ALDH7A1: variants seen among roughly 807,000 people sequenced by gnomAD.
The protein encoded by ALDH7A1 is aldehyde dehydrogenase 7 family member A1.
A neutral mutation model predicts 79.9 loss-of-function variants in ALDH7A1; 63 were observed. The observed-to-expected ratio is 0.79, with a 90% CI of 0.64 to 0.97. The LOEUF is 0.97. ALDH7A1 is among the 50% of genes least tolerant of loss of function. ALDH7A1 has a pLI of 0.00. For synonymous variants in ALDH7A1, 240 were observed against 231.2 expected (o/e 1.04, Z -0.34); for missense variants, 627 against 665.2 (o/e 0.94, Z 0.63).
At chr5:126,549,238 G>A (rs767681454) in intron 16 of ALDH7A1, among the ~76,000 whole-genome samples, 3 of 152,120 alleles carry the variant, frequency 2.0e-5, no homozygotes, top group Admixed American at 6.6e-5. Context: ...AAACAGCAAA[G>A]TCCGTGCATC....
chr5:126,550,247 A>C lies in ALDH7A1; in HGVS notation c.1364T>G (p.Leu455Arg), dbSNP rs1749945843. 1 of 1,613,756 alleles carries C rather than the reference A, an allele frequency of 6.2e-7. No homozygotes were observed. Among genetic ancestry groups the C allele is most frequent in the East Asian group, 2.2e-5 (1 of 44,862 alleles). ...FAWNNEVKQG[L>R]SSSIFTKDLG... ...ATCTTTGGTAAAGATGCTACTTGAA[A>C]GTCCCTGTTTTACTTCATTATTCCA... Residue 455 changes from leucine (L) to arginine (R), a missense_variant, in exon 15 of 18, where the codon CTT becomes CGT. Leu to Arg is a moderately radical substitution (Grantham distance 102). Coordinates refer to ENST00000409134, the MANE Select transcript of ALDH7A1 (RefSeq NM_001182.5).
At chr5:126,549,900 T>A (rs770651013) in intron 16 of ALDH7A1, 29 bp downstream of exon 16, 8 of 1,609,970 alleles carry the variant, frequency 5.0e-6, no homozygotes, top group Non-Finnish European at 6.0e-6. Context: ...CTGCCCAACA[T>A]GGAAAAGGAG....
rs528323982 is a variant in ALDH7A1 at position 126,570,577 on chromosome 5, C to T, written c.773+205G>A. 3.1e-4 allele frequency: 181 copies of T among 585,034 alleles called. 2 individuals carry two copies. In the South Asian group the frequency reaches 3.3e-3, roughly 11 times the overall value. 36.2% of individuals were successfully genotyped at this position (585,034 alleles called of 1,614,324 possible). A position where few individuals can be genotyped will look rare whatever the true frequency, so the allele number is the denominator to read the frequency against. On this transcript the variant is annotated intron_variant, in intron 8 of 17. Coordinates refer to ENST00000409134, the MANE Select transcript of ALDH7A1 (RefSeq NM_001182.5). ...CACCTTAACAAATAGTACCTCTGGG[C>T]AATTAAAAAGACAATTCTTATTCAT... is the stretch of plus-strand genomic sequence containing the variant.
Position 126,544,713 on chromosome 5 carries a change from G to A in ALDH7A1, c.*252C>T. ...TAATCATTAACTTTTAAAAAGCCAT[G>A]TACAACTAGTTGACATAATAAAAAT... On this transcript the variant is annotated 3_prime_UTR_variant, in exon 18 of 18. Coordinates refer to ENST00000409134, the MANE Select transcript of ALDH7A1 (RefSeq NM_001182.5). 3 of 499,476 alleles carry A rather than the reference G, an allele frequency of 6.0e-6. No homozygotes were observed. Among genetic ancestry groups the A allele is most frequent in the Admixed American group, 3.3e-5 (1 of 30,358 alleles). The allele number at this position is 499,476 out of a possible 1,614,324, so 30.9% of individuals were successfully genotyped here. A position where few individuals can be genotyped will look rare whatever the true frequency, so the allele number is the denominator to read the frequency against.
chr5:126,583,871 A>G (rs1751260125), intron 4 of ALDH7A1, 61 bp downstream of exon 4: 1 of 1,381,670 alleles, frequency 7.2e-7, no homozygotes, highest in Admixed American at 1.7e-5. Context: ...TATATATAGA[A>G]AAGCATGACA....
At chr5:126,567,885 A>G (rs1457997949) in intron 9 of ALDH7A1, 12 of 287,658 alleles carry the variant, frequency 4.2e-5, no homozygotes, top group African/African-American at 1.4e-4. Flanking sequence ...CCGGGTTCAG[A>G]CCATTCTCTT....
At chr5:126,570,714 G>C in intron 8 of ALDH7A1, 68 bp downstream of exon 8, 1 of 1,420,734 alleles carries the variant, frequency 7.0e-7, no homozygotes, top group Non-Finnish European at 1.0e-6. Context: ...CATTATTCTA[G>C]TAACGATGAT....
At position 126,592,683 on chromosome 5, in the gene ALDH7A1, G is replaced by T; in HGVS notation, c.293C>A (p.Ala98Glu). The T allele has an allele frequency of 2.5e-6, 4 of 1,614,040 alleles. No individual in the cohort carries two copies. Among genetic ancestry groups the T allele is most frequent in the Non-Finnish European group, 3.4e-6 (4 of 1,180,002 alleles). Residue 98 changes from alanine to glutamate, a missense_variant, in exon 3 of 18, where the codon GCA (alanine) becomes GAA (glutamate). Coordinates refer to ENST00000409134, the MANE Select transcript of ALDH7A1 (RefSeq NM_001182.5). ...YEETVKKARE[A>E]WKIWADIPAP... ...ACTTACATCTGCCCAGATTTTCCAT[G>T]CTTCTCTTGCTTTCTTTACAGTTTC...
chr5:126,582,452 C>T (rs978061295), intron 5 of ALDH7A1, among the ~76,000 whole-genome samples: 7 of 152,220 alleles, frequency 4.6e-5, no homozygotes, highest in African/African-American at 1.2e-4. Context: ...CCTTATGATT[C>T]GACATTTAGG....
At chr5:126,589,797 G>A (rs1160287390) in intron 3 of ALDH7A1, among the ~76,000 whole-genome samples, 8 of 144,264 alleles carry the variant, frequency 5.5e-5, no homozygotes, top group African/African-American at 1.3e-4. Context: ...GCCTCTGCTC[G>A]GCTGCCCACC....
At chr5:126,571,150 ATTTTTTTTTT>A (rs386404930) in intron 7 of ALDH7A1, 343 of 221,852 alleles carry the variant, frequency 1.5e-3, no homozygotes, top group Middle Eastern at 3.8e-3. Flanking sequence ...CTATTAGCAG[ATTTTTTTTTT>A]TTTTTTTTTT....
rs1242730800 is a variant in ALDH7A1 at position 126,577,355 on chromosome 5, C to T, written c.518-144G>A. 13 of 1,027,882 alleles carry T rather than the reference C, an allele frequency of 1.3e-5. No homozygotes were observed. In the East Asian group the frequency reaches 3.1e-4, roughly 25 times the overall value. The allele number at this position is 1,027,882 out of a possible 1,614,324, so 63.7% of individuals were successfully genotyped here. ...GCTACACAGCCATGGGATATCAGTA[C>T]ATTAACTAATGTACAACAAAAGTGG... On this transcript the variant is annotated intron_variant, in intron 5 of 17. Coordinates refer to ENST00000409134, the MANE Select transcript of ALDH7A1 (RefSeq NM_001182.5).
chr5:126,588,755 G>C (rs1751440874), intron 3 of ALDH7A1: 2 of 151,120 alleles, frequency 1.3e-5, no homozygotes, highest in Non-Finnish European at 2.9e-5. Flanking sequence ...CAGGGGAAAT[G>C]GCCTATTACA....
At position 126,568,281 on chromosome 5, in the gene ALDH7A1, G is replaced by A; in HGVS notation, c.849C>T (p.Gly283=). Residue 283 remains glycine (G), a synonymous_variant, in exon 9 of 18, where the codon GGC becomes GGT. Coordinates refer to ENST00000409134, the MANE Select transcript of ALDH7A1 (RefSeq NM_001182.5). ...TGSTQVGKQV[G]LMVQERFGRS... ...TACCAAACCTCTCCTGCACCATCAG[G>A]CCCACCTGTTTTCCCACCTGAGTGC... 6.2e-7 allele frequency: 1 copy of A among 1,614,064 alleles called. No individual in the cohort carries two copies. Among genetic ancestry groups the A allele is most frequent in the South Asian group, 1.1e-5 (1 of 91,076 alleles).
chr5:126,574,023 C>CAAAAAA (rs34601459), intron 7 of ALDH7A1, among the ~76,000 whole-genome samples: 4 of 57,206 alleles, frequency 7.0e-5, no homozygotes, highest in African/African-American at 1.3e-4. Flanking sequence ...AAGACTGTCT[C>CAAAAAA]AAAAAAAAAA....
At chr5:126,560,542 G>A (rs1266422679) in intron 10 of ALDH7A1, among the ~76,000 whole-genome samples, 1 of 152,096 alleles carries the variant, frequency 6.6e-6, no homozygotes, top group Non-Finnish European at 1.5e-5. Flanking sequence ...CTTCTTATGT[G>A]TGTCAACTAC....
intron 9 of ALDH7A1, chr5:126,567,950 A>C (rs1005957703): frequency 5.8e-6 from 2 of 342,064 alleles, no homozygotes; most frequent in Non-Finnish European, 1.1e-5. Flanking sequence ...CGCCCCGCTA[A>C]TTTTTTGTAT....
In ALDH7A1 at chr5:126,559,231, T is replaced by TA; in HGVS notation, c.1008+8dup. ...AGCAAGACAATCGGGCCTATGCAGA[T>TA]ATACTCACCAGTCGCCTCGCAGTGG... is the stretch of plus-strand genomic sequence containing the variant. On this transcript the variant is annotated intron_variant, in intron 11 of 17. Transcript: ENST00000409134. 6.2e-7 allele frequency: 1 copy of TA among 1,612,228 alleles called. No individual in the cohort carries two copies. The highest frequency in any genetic ancestry group is 8.5e-7 in the Non-Finnish European group (1 of 1,178,492).
At position 126,568,322 on chromosome 5, in the gene ALDH7A1, G is replaced by A. The variant is rs1173084371; in HGVS notation, c.808C>T (p.Leu270=). 1 of 1,614,036 alleles carries A rather than the reference G, an allele frequency of 6.2e-7. No homozygotes were observed. Among genetic ancestry groups the A allele is most frequent in the East Asian group, 2.2e-5 (1 of 44,896 alleles). ...ACCTGAGTGCTCCCAGTGAAGGACA[G>A]CAGGTTCACTCGTTCATCTTTGGCC... The part of the protein sequence containing the change: ...AMAKDERVNL[L]SFTGSTQVGK... Residue 270 remains leucine, a synonymous_variant, in exon 9 of 18, where the codon CTG becomes TTG. Transcript: ENST00000409134.
Sources: gnomAD v4.1 joint callset for allele counts (sites outside exome capture counted in the v4.1 genomes callset) on GRCh38, gnomAD v4.1.1 for gene constraint, MANE v1.5 for transcripts, NCBI Gene and HGNC (gene_info 2026-07-23, HGNC 2026-07-21) for gene names.